The following LRP6 variants were observed in gnomAD, a reference collection of about 807,000 sequenced individuals.
LRP6 encodes LDL receptor related protein 6, also known as low-density lipoprotein receptor-related protein 6.
LRP6 carries 43 observed loss-of-function variants against 184.1 expected under a neutral mutation model. The ratio of observed to expected loss-of-function variants is 0.23; its 90% CI spans 0.18 to 0.30. The LOEUF is 0.30. Ranked by LOEUF, LRP6 falls within the 10% of genes least tolerant of loss-of-function variation. The pLI is 1.00. For missense variants in LRP6, 1,571 were observed against 2,005.3 expected (o/e 0.78, Z 4.14); for synonymous variants, 719 against 684.9 (o/e 1.05, Z -0.78).
At chr12:12,235,281 A>C (rs1338025971) in intron 2 of LRP6, among the ~76,000 whole-genome samples, 1 of 152,224 alleles carries the variant, frequency 6.6e-6, no homozygotes, top group Non-Finnish European at 1.5e-5. Context: ...AAGGGAGAAG[A>C]CTACAATGAT....
chr12:12,135,606 G>C (rs987510021), intron 16 of LRP6, among the ~76,000 whole-genome samples: 4 of 151,406 alleles, frequency 2.6e-5, no homozygotes, highest in African/African-American at 9.7e-5. Context: ...TGCTTCTCCT[G>C]CCTCAGCCTC....
Position 12,161,337 on chromosome 12 carries a change from G to A in LRP6, c.2279+856C>T, listed in dbSNP as rs546086573. Among the ~76,000 whole-genome samples, 9 of 151,938 alleles carry A rather than the reference G, an allele frequency of 5.9e-5. No individual in the cohort carries two copies. The East Asian group carries it at 1.2e-3, about 20-fold the overall frequency. On this transcript the variant is annotated intron_variant, in intron 10 of 22. Coordinates refer to ENST00000261349, the MANE Select transcript of LRP6 (RefSeq NM_002336.3). ...GGGTGGAGTGCAGTGGCACGATCTCGGCTCACTGCAACCTCCACCTCCCAG... is the reference window on the plus strand; with the variant it reads ...GGGTGGAGTGCAGTGGCACGATCTCAGCTCACTGCAACCTCCACCTCCCAG...
At chr12:12,239,359 C>T (rs1407049973) in intron 2 of LRP6, among the ~76,000 whole-genome samples, 1 of 152,072 alleles carries the variant, frequency 6.6e-6, no homozygotes, top group African/African-American at 2.4e-5. Flanking sequence ...TTAAACTGTT[C>T]CATTTTTAAA....
At position 12,173,890 on chromosome 12, in the gene LRP6, G is replaced by A. The variant is rs1013023557; in HGVS notation, c.1545+5920C>T. ...GCCAGCACCAGGTTTACAACTCAAT[G>A]AACATTAAGTCCAAACTCCAGGTGC... On this transcript the variant is annotated intron_variant, in intron 7 of 22. Coordinates refer to ENST00000261349, the MANE Select transcript of LRP6 (RefSeq NM_002336.3). Among the ~76,000 whole-genome samples the A allele has an allele frequency of 3.9e-5, 6 of 152,254 alleles. No homozygotes were observed. In the South Asian group the frequency reaches 8.3e-4, roughly 21 times the overall value.
At position 12,116,265 on chromosome 12, in the gene LRP6, C is replaced by T. The variant is rs1354372029; in HGVS notation, c.*4861G>A. On this transcript the variant is annotated 3_prime_UTR_variant, in exon 23 of 23. Transcript: ENST00000261349. ...CGTACCAAAGTCAATGAACAAGAAA[C>T]ACCAGTTGACTTTAAGACAATGACG... 2 of 152,100 alleles carry T rather than the reference C, an allele frequency of 1.3e-5. No individual in the cohort carries two copies. The highest frequency in any genetic ancestry group is 2.9e-5 in the Non-Finnish European group (2 of 68,020). The allele number at this position is 152,100 out of a possible 1,614,324, so 9.4% of individuals were successfully genotyped here.
At chr12:12,147,805 C>T (rs1022209049) in intron 14 of LRP6, among the ~76,000 whole-genome samples, 5 of 151,818 alleles carry the variant, frequency 3.3e-5, no homozygotes, top group Non-Finnish European at 7.4e-5. Flanking sequence ...AACCCCATTT[C>T]TACAAAAAAT....
chr12:12,249,476 A>G, intron 1 of LRP6: 1 of 675,528 alleles, frequency 1.5e-6, no homozygotes. Context: ...TTAATCGAAA[A>G]GAAAAACCAC....
chr12:12,195,397 A>G (rs888163325), intron 3 of LRP6, among the ~76,000 whole-genome samples: 14 of 152,034 alleles, frequency 9.2e-5, no homozygotes, highest in African/African-American at 2.9e-4. Flanking sequence ...TATGGTAACT[A>G]GGGTGAGATG....
intron 2 of LRP6, among the ~76,000 whole-genome samples, chr12:12,206,916 C>G (rs1007835292): frequency 6.6e-6 from 1 of 151,422 alleles, no homozygotes. Flanking sequence ...CAAATTCTCT[C>G]CCTTAAGCAA....
At chr12:12,254,990 G>A (rs1865425496) in intron 1 of LRP6, among the ~76,000 whole-genome samples, 1 of 152,036 alleles carries the variant, frequency 6.6e-6, no homozygotes. Flanking sequence ...TTTCAGCAAG[G>A]CAATATTAAA....
chr12:12,249,928 G>A (rs1187510674), intron 1 of LRP6, among the ~76,000 whole-genome samples: 1 of 152,114 alleles, frequency 6.6e-6, no homozygotes, highest in Non-Finnish European at 1.5e-5. Context: ...TTACTGGCAT[G>A]CCTTGGAGCC....
intron 1 of LRP6, among the ~76,000 whole-genome samples, chr12:12,247,299 T>C (rs966330188): frequency 6.6e-6 from 1 of 152,232 alleles, no homozygotes; most frequent in Admixed American, 6.5e-5. Flanking sequence ...ACCTTCTTTA[T>C]GGCACTATCT....
intron 10 of LRP6, among the ~76,000 whole-genome samples, chr12:12,161,272 C>CT (rs3216538): frequency 4.5e-4 from 67 of 147,894 alleles, no homozygotes; most frequent in Non-Finnish European, 7.1e-4. Flanking sequence ...CTGTTTACTT[C>CT]TTTTTTTTTT....
At chr12:12,154,792 G>A (rs561845725) in intron 12 of LRP6, among the ~76,000 whole-genome samples, 6 of 152,244 alleles carry the variant, frequency 3.9e-5, no homozygotes, top group Non-Finnish European at 8.8e-5. Context: ...AATTTGAGAC[G>A]AGGAAAGGAA....
At chr12:12,244,758 A>G in intron 1 of LRP6, 103 bp from the exon 2 acceptor site, 1 of 1,014,474 alleles carries the variant, frequency 9.9e-7, no homozygotes, top group Non-Finnish European at 1.4e-6. Flanking sequence ...ACTGTCGAAA[A>G]TAAGAAAAGA....
intron 2 of LRP6, among the ~76,000 whole-genome samples, chr12:12,216,845 C>T (rs1307595101): frequency 1.3e-5 from 2 of 151,466 alleles, no homozygotes; most frequent in African/African-American, 4.9e-5. Context: ...CTCCCCCTCC[C>T]TCCCCCTGCC....
At chr12:12,186,067 CA>C (rs2137002686) in intron 4 of LRP6, among the ~76,000 whole-genome samples, 1 of 152,014 alleles carries the variant, frequency 6.6e-6, no homozygotes, top group East Asian at 1.9e-4. Context: ...AGGCTGGTCT[CA>C]AACTCCTGAC....
At chr12:12,186,800 C>A in intron 4 of LRP6, 123 bp downstream of exon 4, 1 of 916,752 alleles carries the variant, frequency 1.1e-6, no homozygotes, top group South Asian at 1.4e-5. Flanking sequence ...GATTTTAACT[C>A]TTTTTTATTC....
chr12:12,202,651 G>T (rs1056926989), intron 3 of LRP6, among the ~76,000 whole-genome samples: 19 of 152,322 alleles, frequency 1.2e-4, no homozygotes, highest in Admixed American at 2.6e-4. Context: ...TAGTTGAACC[G>T]GAGATCATAA....
Sources: gnomAD v4.1 joint callset for allele counts (sites outside exome capture counted in the v4.1 genomes callset) on GRCh38, gnomAD v4.1.1 for gene constraint, MANE v1.5 for transcripts, NCBI Gene and HGNC (gene_info 2026-07-23, HGNC 2026-07-21) for gene names.